Variants in ARHGAP15 observed in about 807,000 individuals in gnomAD.
ARHGAP15 encodes the protein rho GTPase-activating protein 15.
Under a neutral mutation model 63.7 loss-of-function variants are expected in ARHGAP15, and 51 were observed. That is an observed-to-expected ratio of 0.80 (90% confidence interval 0.64 to 1.01). The LOEUF is 1.01. Among genes scored for constraint, ARHGAP15 ranks in the 50% least tolerant of loss-of-function variants. The pLI is 0.00. For synonymous variants in ARHGAP15, 191 were observed against 193.8 expected, an observed-to-expected ratio of 0.99 and a Z score of 0.12; for missense variants, 560 against 564.6, an observed-to-expected ratio of 0.99 and a Z score of 0.08.
intron 13 of ARHGAP15, among the ~76,000 whole-genome samples, chr2:143,736,310 C>A (rs1685742447): frequency 6.6e-6 from 1 of 151,640 alleles, no homozygotes; most frequent in African/African-American, 2.4e-5. Context: ...GCAGGAGATT[C>A]ATTTGAACCC....
intron 11 of ARHGAP15, among the ~76,000 whole-genome samples, chr2:143,567,082 A>G (rs1446588274): frequency 1.3e-5 from 2 of 151,954 alleles, no homozygotes; most frequent in Non-Finnish European, 2.9e-5. Context: ...TTGCCGTGTT[A>G]GCCAGGATGG....
At chr2:143,279,441 A>T (rs1216256201) in intron 6 of ARHGAP15, among the ~76,000 whole-genome samples, 1 of 152,148 alleles carries the variant, frequency 6.6e-6, no homozygotes, top group Non-Finnish European at 1.5e-5. Context: ...ACAAGCCATG[A>T]CTGCATTGCA....
chr2:143,347,064 A>G (rs1352637732), intron 6 of ARHGAP15, among the ~76,000 whole-genome samples: 1 of 152,160 alleles, frequency 6.6e-6, no homozygotes, highest in African/African-American at 2.4e-5. Flanking sequence ...TGGAACTGGT[A>G]AGAATTCACT....
At chr2:143,378,881 T>G (rs1252454145) in intron 6 of ARHGAP15, among the ~76,000 whole-genome samples, 2 of 152,108 alleles carry the variant, frequency 1.3e-5, no homozygotes, top group Non-Finnish European at 2.9e-5. Context: ...TATTACAGTT[T>G]GTAAGTTGAA....
chr2:143,264,268 T>C (rs1680884736), intron 6 of ARHGAP15, among the ~76,000 whole-genome samples: 3 of 152,028 alleles, frequency 2.0e-5, no homozygotes, highest in Non-Finnish European at 4.4e-5. Flanking sequence ...GTCATATAAT[T>C]AGATATTCCT....
chr2:143,475,864 T>C (rs1340419621), intron 8 of ARHGAP15, among the ~76,000 whole-genome samples: 1 of 152,242 alleles, frequency 6.6e-6, no homozygotes, highest in Non-Finnish European at 1.5e-5. Flanking sequence ...GATACATTTT[T>C]CTTGACTCTC....
intron 6 of ARHGAP15, among the ~76,000 whole-genome samples, chr2:143,301,977 C>G (rs1053442734): frequency 6.6e-6 from 1 of 151,694 alleles, no homozygotes; most frequent in Non-Finnish European, 1.5e-5. Flanking sequence ...AAGCAACAAC[C>G]AAGGTAATTT....
chr2:143,234,173 A>G, intron 5 of ARHGAP15, among the ~76,000 whole-genome samples: 1 of 151,962 alleles, frequency 6.6e-6, no homozygotes, highest in East Asian at 1.9e-4. Flanking sequence ...TATTTCTAGA[A>G]GTTTGTTTCT....
intron 13 of ARHGAP15, among the ~76,000 whole-genome samples, chr2:143,737,730 A>T (rs1331037153): frequency 1.1e-4 from 2 of 17,572 alleles, no homozygotes; most frequent in African/African-American, 9.1e-4. Context: ...TATTTATTTT[A>T]TTTATTTATT....
At chr2:143,559,812 G>A (rs1054223615) in intron 11 of ARHGAP15, among the ~76,000 whole-genome samples, 9 of 152,190 alleles carry the variant, frequency 5.9e-5, no homozygotes, top group Non-Finnish European at 1.0e-4. Context: ...AAAATTCCAT[G>A]AAAAGCATAA....
chr2:143,715,695 T>A (rs1684781047), intron 13 of ARHGAP15, among the ~76,000 whole-genome samples: 1 of 152,254 alleles, frequency 6.6e-6, no homozygotes, highest in African/African-American at 2.4e-5. Flanking sequence ...GATGATAGAT[T>A]CTTTTGCTGT....
intron 9 of ARHGAP15, among the ~76,000 whole-genome samples, chr2:143,488,637 A>G (rs1240422342): frequency 6.6e-6 from 1 of 152,254 alleles, no homozygotes; most frequent in Non-Finnish European, 1.5e-5. Context: ...ATCATTTCTC[A>G]TGAAGAGGGC....
intron 1 of ARHGAP15, among the ~76,000 whole-genome samples, chr2:143,134,923 G>A (rs1485280563): frequency 6.6e-6 from 1 of 152,116 alleles, no homozygotes; most frequent in Non-Finnish European, 1.5e-5. Context: ...AGGCGTGAGA[G>A]CGCGCCCAGC....
intron 6 of ARHGAP15, among the ~76,000 whole-genome samples, chr2:143,261,657 C>T (rs576982557): frequency 3.9e-5 from 6 of 151,934 alleles, no homozygotes; most frequent in African/African-American, 9.7e-5. Context: ...CGACCCTTTT[C>T]GTTCATAGGA....
intron 10 of ARHGAP15, among the ~76,000 whole-genome samples, chr2:143,527,184 G>C (rs1694316375): frequency 6.6e-6 from 1 of 151,868 alleles, no homozygotes; most frequent in Non-Finnish European, 1.5e-5. Flanking sequence ...TAATCAATTA[G>C]TCTACACATA....
At chr2:143,425,752 G>C (rs1020121971) in intron 6 of ARHGAP15, among the ~76,000 whole-genome samples, 1 of 28,640 alleles carries the variant, frequency 3.5e-5, no homozygotes, top group Non-Finnish European at 1.1e-4. Flanking sequence ...TAATTACATA[G>C]ATAGTTAGTT....
chr2:143,363,328 C>A (rs1341331341), intron 6 of ARHGAP15, among the ~76,000 whole-genome samples: 1 of 152,018 alleles, frequency 6.6e-6, no homozygotes, highest in African/African-American at 2.4e-5. Context: ...TCACTTGAGG[C>A]CAGGAGTATG....
intron 12 of ARHGAP15, among the ~76,000 whole-genome samples, chr2:143,699,368 TTC>T (rs1329003655): frequency 1.6e-4 from 24 of 152,192 alleles, no homozygotes; most frequent in African/African-American, 5.1e-4. Flanking sequence ...CATGGTACAC[TTC>T]CCCATTTAGC....
chr2:143,645,815 T>C (rs1680845115), intron 12 of ARHGAP15, among the ~76,000 whole-genome samples: 1 of 152,066 alleles, frequency 6.6e-6, no homozygotes, highest in Non-Finnish European at 1.5e-5. Flanking sequence ...AAACACAAGC[T>C]TTTTTAAAAA....
Sources: gnomAD v4.1 joint callset for allele counts (sites outside exome capture counted in the v4.1 genomes callset) on GRCh38, gnomAD v4.1.1 for gene constraint, MANE v1.5 for transcripts, NCBI Gene and HGNC (gene_info 2026-07-23, HGNC 2026-07-21) for gene names.